Variants in BNC2 observed in about 807,000 individuals in gnomAD.
BNC2 encodes the protein zinc finger protein basonuclin-2.
BNC2 carries 20 observed loss-of-function variants against 76.3 expected under a neutral mutation model. The observed-to-expected ratio is 0.26, with a 90% CI of 0.18 to 0.38. The LOEUF (loss-of-function observed/expected upper bound fraction) is 0.38. Among genes scored for constraint, BNC2 ranks in the 10% least tolerant of loss-of-function variants. The pLI is 1.00. For missense variants in BNC2, 1,382 were observed against 1,399.8 expected (o/e 0.99, Z 0.20); for synonymous variants, 582 against 514.8 (o/e 1.13, Z -1.77).
At chr9:16,525,795 C>T (rs1013751374) in intron 5 of BNC2, among the ~76,000 whole-genome samples, 2 of 152,190 alleles carry the variant, frequency 1.3e-5, no homozygotes, top group African/African-American at 2.4e-5. Context: ...ATCAAACACA[C>T]AGAAAGATAT....
chr9:16,525,275 G>A (rs1481903621), intron 5 of BNC2, among the ~76,000 whole-genome samples: 5 of 151,802 alleles, frequency 3.3e-5, no homozygotes, highest in South Asian at 4.2e-4. Context: ...AACCAACTAC[G>A]CAACAAAAAC....
chr9:16,710,815 C>T (rs1048455214), intron 3 of BNC2, among the ~76,000 whole-genome samples: 2 of 151,968 alleles, frequency 1.3e-5, no homozygotes, highest in Admixed American at 1.3e-4. Context: ...CATATAATAC[C>T]CAGGTCCTTC....
rs1398293893 is a variant in BNC2, at chr9:16,626,887, C to G, written c.331-43802G>C. ...CAAGATAGCAGGGCTTTTAATAAAG[C>G]AGCACGTTTGCACACTCACAGCCCT... On this transcript the variant is annotated intron_variant, in intron 3 of 6. Coordinates refer to ENST00000380672, the MANE Select transcript of BNC2 (RefSeq NM_017637.6). Among the ~76,000 whole-genome samples the G allele has an allele frequency of 4.6e-5, 7 of 152,112 alleles. 1 individual carries two copies. The East Asian group carries it at 1.3e-3, about 29-fold the overall frequency.
Position 16,412,751 on chromosome 9 carries a change from GA to G in BNC2, c.*6237del, listed in dbSNP as rs1820495927. The G allele has an allele frequency of 6.8e-6, 1 of 147,618 alleles. No individual in the cohort carries two copies. The highest frequency in any genetic ancestry group is 2.6e-5 in the African/African-American group (1 of 37,776). 9.1% of individuals were successfully genotyped at this position (147,618 alleles called of 1,614,324 possible). A position where few individuals can be genotyped will look rare whatever the true frequency, so the allele number is the denominator to read the frequency against. On this transcript the variant is annotated 3_prime_UTR_variant, in exon 7 of 7. Coordinates refer to ENST00000380672, the MANE Select transcript of BNC2 (RefSeq NM_017637.6). ...AGAGAGAGAGAGAGAGAGAGAGAGA[GA>G]GAGAGAGAGAGAGACTGACTGATTG... is the stretch of plus-strand genomic sequence containing the variant.
intron 5 of BNC2, among the ~76,000 whole-genome samples, chr9:16,547,876 G>C (rs185624715): frequency 1.7e-3 from 265 of 152,288 alleles, no homozygotes; most frequent in African/African-American, 5.8e-3. Context: ...GACCTCCTCA[G>C]AGCCTGTGTT....
Position 16,750,279 on chromosome 9 carries a change from T to C in BNC2, c.4-11794A>G, listed in dbSNP as rs551037104. ...TATATTTGTACCAATACATGTACTA[T>C]ACAGTTAAAATATTTCTACCTAAAA... On this transcript the variant is annotated intron_variant, in intron 1 of 6. Coordinates refer to ENST00000380672, the MANE Select transcript of BNC2 (RefSeq NM_017637.6). 3.7e-4 allele frequency among the ~76,000 whole-genome samples: 57 copies of C among 152,338 alleles called. 1 individual carries two copies. The highest frequency in any genetic ancestry group is 1.2e-3 in the African/African-American group (50 of 41,582).
At chr9:16,713,057 G>T (rs1823895487) in intron 3 of BNC2, among the ~76,000 whole-genome samples, 1 of 152,192 alleles carries the variant, frequency 6.6e-6, no homozygotes. Context: ...GGCTGAGCAG[G>T]CCCATCGTCC....
At chr9:16,817,268 A>G (rs139424536) in intron 1 of BNC2, among the ~76,000 whole-genome samples, 3 of 152,330 alleles carry the variant, frequency 2.0e-5, no homozygotes, top group African/African-American at 7.2e-5. Context: ...TGCCTGAACC[A>G]TTAATGTTCT....
chr9:16,425,744 G>T (rs1820792590), intron 6 of BNC2, among the ~76,000 whole-genome samples: 1 of 152,162 alleles, frequency 6.6e-6, no homozygotes, highest in South Asian at 2.1e-4. Flanking sequence ...TGTTGGCAGA[G>T]GCAAACATGT....
At chr9:16,659,523 G>A (rs376455313) in intron 3 of BNC2, among the ~76,000 whole-genome samples, 23 of 150,322 alleles carry the variant, frequency 1.5e-4, no homozygotes, top group East Asian at 7.9e-4. Context: ...CAGGAGAATC[G>A]CTTGAACCCA....
intron 3 of BNC2, among the ~76,000 whole-genome samples, chr9:16,609,249 C>T (rs1404712614): frequency 3.9e-5 from 6 of 152,114 alleles, no homozygotes; most frequent in African/African-American, 1.4e-4. Context: ...CTACTCTGTG[C>T]TGGGGATTGT....
At chr9:16,481,556 G>A (rs117456743) in intron 5 of BNC2, among the ~76,000 whole-genome samples, 2,638 of 152,190 alleles carry the variant, frequency 0.017, 59 homozygotes, top group Non-Finnish European at 0.021. Context: ...AACATTCACC[G>A]CGAGGGTCCG....
At chr9:16,799,642 G>A (rs1260278009) in intron 1 of BNC2, among the ~76,000 whole-genome samples, 1 of 152,106 alleles carries the variant, frequency 6.6e-6, no homozygotes, top group Non-Finnish European at 1.5e-5. Flanking sequence ...TAATCCCATT[G>A]TATTTACAGA....
intron 5 of BNC2, among the ~76,000 whole-genome samples, chr9:16,453,794 A>G (rs927841025): frequency 1.3e-5 from 2 of 152,198 alleles, no homozygotes; most frequent in African/African-American, 2.4e-5. Flanking sequence ...CGAGTGACAG[A>G]GTAGACTCCA....
chr9:16,481,065 G>C (rs189199598), intron 5 of BNC2, among the ~76,000 whole-genome samples: 1 of 152,138 alleles, frequency 6.6e-6, no homozygotes, highest in African/African-American at 2.4e-5. Context: ...GTTTGTAAAC[G>C]CACCAATCAG....
rs1035367705 is a variant in BNC2, at chr9:16,429,632, G to C, written c.2639+5923C>G. The C allele has an allele frequency of 1.5e-5, 3 of 206,348 alleles. No individual in the cohort carries two copies. In the Admixed American group the frequency reaches 1.6e-4, roughly 11 times the overall value. The allele number at this position is 206,348 out of a possible 1,614,324, so 12.8% of individuals were successfully genotyped here. A position where few individuals can be genotyped will look rare whatever the true frequency, so the allele number is the denominator to read the frequency against. On this transcript the variant is annotated intron_variant, in intron 6 of 6. Coordinates refer to ENST00000380672, the MANE Select transcript of BNC2 (RefSeq NM_017637.6). ...CAGTAGATTGTTCCTTTATAAGGAA[G>C]GTAAAAATAAGAGTTATATAGAAGC...
chr9:16,524,838 C>T (rs112106321), intron 5 of BNC2, among the ~76,000 whole-genome samples: 5,649 of 152,206 alleles, frequency 0.037, 359 homozygotes, highest in African/African-American at 0.13. Flanking sequence ...CTTTGGGAGG[C>T]CAAGGCAGGA....
intron 4 of BNC2, among the ~76,000 whole-genome samples, chr9:16,555,133 C>A (rs1450274777): frequency 1.3e-4 from 20 of 152,094 alleles, no homozygotes; most frequent in Non-Finnish European, 1.5e-5. Flanking sequence ...CATTCTCCTG[C>A]CTCAGCCTCC....
chr9:16,800,557 C>CT (rs1414924756), intron 1 of BNC2, among the ~76,000 whole-genome samples: 8 of 151,866 alleles, frequency 5.3e-5, no homozygotes, highest in South Asian at 2.1e-4. Flanking sequence ...GGCACTGGAA[C>CT]TCTTTTTTTT....
Sources: gnomAD v4.1 joint callset for allele counts (sites outside exome capture counted in the v4.1 genomes callset) on GRCh38, gnomAD v4.1.1 for gene constraint, MANE v1.5 for transcripts, NCBI Gene and HGNC (gene_info 2026-07-23, HGNC 2026-07-21) for gene names.